BORCS5: variants seen among roughly 807,000 people sequenced by gnomAD.
BORCS5 encodes BLOC-1-related complex subunit 5.
A neutral mutation model predicts 22.1 loss-of-function variants in BORCS5; 17 were observed. The observed-to-expected ratio is 0.77, with a 90% CI of 0.53 to 1.15. BORCS5 has a LOEUF of 1.15. Among genes scored for constraint, BORCS5 ranks in the 50% most tolerant of loss-of-function variants. The probability of loss-of-function intolerance (pLI) is 0.00; values close to 1 mark genes in which losing one functional copy is unlikely to be tolerated. For synonymous variants in BORCS5, 117 were observed against 99.8 expected (o/e 1.17, Z -1.03); for missense variants, 247 against 253.2 (o/e 0.98, Z 0.17).
intron 2 of BORCS5, among the ~76,000 whole-genome samples, chr12:12,399,545 C>A (rs2136070753): frequency 6.6e-6 from 1 of 152,184 alleles, no homozygotes; most frequent in East Asian, 1.9e-4. Context: ...TAATGAAAGA[C>A]CATAACAAAG....
intron 3 of BORCS5, among the ~76,000 whole-genome samples, chr12:12,449,146 G>A (rs1263088928): frequency 6.6e-6 from 1 of 152,170 alleles, no homozygotes; most frequent in Non-Finnish European, 1.5e-5. Context: ...GACAGAGAGT[G>A]GACTCATGCC....
At chr12:12,386,671 T>C (rs894201005) in intron 2 of BORCS5, among the ~76,000 whole-genome samples, 2 of 147,134 alleles carry the variant, frequency 1.4e-5, no homozygotes, top group Non-Finnish European at 3.0e-5. Context: ...GGCTCCACTA[T>C]GTTGGCCAGG....
chr12:12,432,543 A>T (rs796888571), intron 2 of BORCS5, among the ~76,000 whole-genome samples: 12 of 152,330 alleles, frequency 7.9e-5, no homozygotes, highest in African/African-American at 2.4e-4. Context: ...GAGAAATGAA[A>T]ACTTATGTTT....
chr12:12,402,091 A>C lies in BORCS5; in HGVS notation c.203-33537A>C, dbSNP rs1941495188. Among the ~76,000 whole-genome samples, 3 of 151,766 alleles carry C rather than the reference A, an allele frequency of 2.0e-5. No individual in the cohort carries two copies. In the South Asian group the frequency reaches 6.2e-4, roughly 31 times the overall value. ...AAAAAAAAAAAAAAAAAAAGTGTAA[A>C]CAGCTGGATAACATTTCTTTTTGTA... On this transcript the variant is annotated intron_variant, in intron 2 of 3. Coordinates refer to ENST00000314565, the MANE Select transcript of BORCS5 (RefSeq NM_058169.6).
At chr12:12,365,207 G>C in intron 2 of BORCS5, among the ~76,000 whole-genome samples, 1 of 152,022 alleles carries the variant, frequency 6.6e-6, no homozygotes, top group Non-Finnish European at 1.5e-5. Context: ...GGTTATCGGG[G>C]ATTTGGTTAA....
chr12:12,366,067 G>A (rs554763520), intron 2 of BORCS5, among the ~76,000 whole-genome samples: 1 of 152,232 alleles, frequency 6.6e-6, no homozygotes, highest in South Asian at 2.1e-4. Context: ...GCAGGGGCCA[G>A]GCATCACTGT....
chr12:12,424,726 C>T (rs1327926983), intron 2 of BORCS5, among the ~76,000 whole-genome samples: 1 of 151,850 alleles, frequency 6.6e-6, no homozygotes, highest in African/African-American at 2.4e-5. Context: ...TTGATTGTTA[C>T]AGGATGTGTC....
chr12:12,433,322 C>CAAAAAAAAAA (rs34833037), intron 2 of BORCS5, among the ~76,000 whole-genome samples: 8 of 40,700 alleles, frequency 2.0e-4, no homozygotes, highest in African/African-American at 4.3e-4. Flanking sequence ...GACTGTGTCT[C>CAAAAAAAAAA]AAAAAAAAAA....
intron 1 of BORCS5, among the ~76,000 whole-genome samples, chr12:12,357,890 G>A (rs1863183178): frequency 6.6e-6 from 1 of 152,274 alleles, no homozygotes; most frequent in Middle Eastern, 3.4e-3. Context: ...CTTAAAAACG[G>A]GTGTTAGAGG....
chr12:12,361,865 G>A (rs996527855), intron 2 of BORCS5, among the ~76,000 whole-genome samples: 4 of 151,590 alleles, frequency 2.6e-5, no homozygotes, highest in South Asian at 2.1e-4. Flanking sequence ...TTATATGAGA[G>A]TGTGTGTTTG....
chr12:12,424,242 C>A (rs188522872), intron 2 of BORCS5, among the ~76,000 whole-genome samples: 111 of 152,150 alleles, frequency 7.3e-4, no homozygotes, highest in African/African-American at 2.6e-3. Flanking sequence ...AATCTTTTTT[C>A]TTTCTGTTCC....
chr12:12,373,713 CAG>C (rs1266769555), intron 2 of BORCS5, among the ~76,000 whole-genome samples: 14 of 152,158 alleles, frequency 9.2e-5, no homozygotes, highest in African/African-American at 2.7e-4. Context: ...TGTGGTCAGA[CAG>C]TGCAGGTACA....
intron 3 of BORCS5, among the ~76,000 whole-genome samples, chr12:12,453,665 A>G (rs1054625906): frequency 6.6e-6 from 1 of 152,168 alleles, no homozygotes; most frequent in Admixed American, 6.5e-5. Flanking sequence ...GAATACACTT[A>G]TTTTATTATT....
At chr12:12,436,135 C>G (rs16908062) in intron 3 of BORCS5, among the ~76,000 whole-genome samples, 1 of 152,132 alleles carries the variant, frequency 6.6e-6, no homozygotes, top group Non-Finnish European at 1.5e-5. Flanking sequence ...CTAATTTGCT[C>G]TAGCCACCAT....
At chr12:12,436,371 G>A (rs1942554451) in intron 3 of BORCS5, among the ~76,000 whole-genome samples, 1 of 152,210 alleles carries the variant, frequency 6.6e-6, no homozygotes, top group Non-Finnish European at 1.5e-5. Flanking sequence ...TGATGCAAAT[G>A]TTGTGTAATT....
At chr12:12,389,136 T>C (rs1863944919) in intron 2 of BORCS5, among the ~76,000 whole-genome samples, 1 of 35,730 alleles carries the variant, frequency 2.8e-5, no homozygotes, top group Non-Finnish European at 6.7e-5. Context: ...AAGTAAGTAC[T>C]TTTTTTTTTT....
intron 2 of BORCS5, among the ~76,000 whole-genome samples, chr12:12,400,191 A>G (rs915791247): frequency 1.3e-5 from 2 of 152,202 alleles, no homozygotes; most frequent in African/African-American, 4.8e-5. Context: ...CTGGATTTTT[A>G]GCTTTTTCAC....
At chr12:12,385,579 G>A (rs1863862199) in intron 2 of BORCS5, among the ~76,000 whole-genome samples, 1 of 149,554 alleles carries the variant, frequency 6.7e-6, no homozygotes, top group African/African-American at 2.5e-5. Flanking sequence ...GCACAATCTC[G>A]GCTCACTGCA....
Position 12,466,617 on chromosome 12 carries a change from A to G in BORCS5, c.*841A>G, listed in dbSNP as rs564884238. 1 of 152,332 alleles carries G rather than the reference A, an allele frequency of 6.6e-6. No individual in the cohort carries two copies. Among genetic ancestry groups the G allele is most frequent in the African/African-American group, 2.4e-5 (1 of 41,566 alleles). 9.4% of individuals were successfully genotyped at this position (152,332 alleles called of 1,614,324 possible). ...TGCTGAATTTCTCTGGGAGTTTAGG[A>G]AAGGAAGTTATTTGAGTAACAACAA... is the stretch of plus-strand genomic sequence containing the variant. On this transcript the variant is annotated 3_prime_UTR_variant, in exon 4 of 4. Coordinates refer to ENST00000314565, the MANE Select transcript of BORCS5 (RefSeq NM_058169.6).
Sources: allele counts gnomAD v4.1 joint callset (sites outside exome capture counted in the v4.1 genomes callset), GRCh38; gene constraint gnomAD v4.1.1; transcripts MANE v1.5; gene names NCBI Gene and HGNC (gene_info 2026-07-23, HGNC 2026-07-21).